ANKS1B: variants seen among roughly 807,000 people sequenced by gnomAD.
ANKS1B encodes ankyrin repeat and sterile alpha motif domain-containing protein 1B.
Under a neutral mutation model 148.3 loss-of-function variants are expected in ANKS1B, and 36 were observed. That is an observed-to-expected ratio of 0.24 (90% confidence interval 0.19 to 0.32). The LOEUF is 0.32. Among genes scored for constraint, ANKS1B ranks in the 10% least tolerant of loss-of-function variants. ANKS1B has a pLI of 1.00. For missense variants in ANKS1B, 1,157 were observed against 1,542.6 expected (o/e 0.75, Z 4.19); for synonymous variants, 542 against 560.8 (o/e 0.97, Z 0.47).
intron 26 of ANKS1B, among the ~76,000 whole-genome samples, chr12:98,746,873 G>C (rs2097906547): frequency 6.6e-6 from 1 of 152,142 alleles, no homozygotes; most frequent in Non-Finnish European, 1.5e-5. Flanking sequence ...CTATACAACA[G>C]AATGAAACAC....
intron 12 of ANKS1B, among the ~76,000 whole-genome samples, chr12:99,390,717 G>A (rs1038276287): frequency 6.6e-6 from 1 of 152,236 alleles, no homozygotes; most frequent in African/African-American, 2.4e-5. Context: ...AGATTTTGGG[G>A]ATAAATCTTT....
At chr12:98,840,296 TA>T (rs922404602) in intron 17 of ANKS1B, among the ~76,000 whole-genome samples, 6 of 152,126 alleles carry the variant, frequency 3.9e-5, no homozygotes, top group African/African-American at 9.6e-5. Flanking sequence ...CCACTTCATC[TA>T]AAAAAAATCC....
chr12:99,279,511 T>C (rs1035414341), intron 12 of ANKS1B, among the ~76,000 whole-genome samples: 8 of 152,084 alleles, frequency 5.3e-5, no homozygotes, highest in Admixed American at 6.5e-5. Flanking sequence ...CCAGTTTCTC[T>C]CTCTATAGAT....
chr12:99,268,491 T>C (rs1328193732), intron 12 of ANKS1B, among the ~76,000 whole-genome samples: 1 of 152,204 alleles, frequency 6.6e-6, no homozygotes, highest in Non-Finnish European at 1.5e-5. Context: ...TTGGCTGTTA[T>C]GCCTATGTCA....
intron 8 of ANKS1B, among the ~76,000 whole-genome samples, chr12:99,657,546 A>G (rs1453311840): frequency 2.0e-5 from 3 of 151,902 alleles, no homozygotes; most frequent in African/African-American, 7.3e-5. Context: ...CACTTCTCAA[A>G]TCAATAATAG....
intron 15 of ANKS1B, among the ~76,000 whole-genome samples, chr12:99,097,986 C>A (rs2056765261): frequency 6.6e-6 from 1 of 152,122 alleles, no homozygotes; most frequent in African/African-American, 2.4e-5. Flanking sequence ...GGTGAGGGAG[C>A]AAGGAGACCT....
intron 12 of ANKS1B, among the ~76,000 whole-genome samples, chr12:99,290,213 G>C (rs2079753429): frequency 6.7e-6 from 1 of 150,330 alleles, no homozygotes; most frequent in Non-Finnish European, 1.5e-5. Context: ...AAGATTGAAG[G>C]CTGAAGAAAT....
intron 8 of ANKS1B, among the ~76,000 whole-genome samples, chr12:99,679,270 G>A (rs1039380290): frequency 6.6e-6 from 1 of 152,138 alleles, no homozygotes; most frequent in Admixed American, 6.5e-5. Flanking sequence ...TAAATGGCAC[G>A]TATTTAAAGA....
At chr12:99,107,649 G>A (rs1042467559) in intron 15 of ANKS1B, among the ~76,000 whole-genome samples, 6 of 152,186 alleles carry the variant, frequency 3.9e-5, no homozygotes, top group Non-Finnish European at 8.8e-5. Context: ...CATCAAGACC[G>A]AGCTATCCAG....
At chr12:98,918,650 T>C (rs1053308876) in intron 17 of ANKS1B, among the ~76,000 whole-genome samples, 1 of 152,214 alleles carries the variant, frequency 6.6e-6, no homozygotes, top group Non-Finnish European at 1.5e-5. Context: ...CAAGTATGCA[T>C]CTTTATTTCC....
chr12:99,306,348 G>A (rs1441082999), intron 12 of ANKS1B, among the ~76,000 whole-genome samples: 2 of 151,990 alleles, frequency 1.3e-5, no homozygotes, highest in Non-Finnish European at 2.9e-5. Flanking sequence ...AATCTCTGTT[G>A]TAACCCCTAG....
At chr12:99,450,588 T>C (rs949313148) in intron 10 of ANKS1B, among the ~76,000 whole-genome samples, 1 of 152,268 alleles carries the variant, frequency 6.6e-6, no homozygotes, top group Non-Finnish European at 1.5e-5. Flanking sequence ...AGTACTAAAT[T>C]ATTTAGAAAA....
Position 99,772,964 on chromosome 12 carries a change from C to A in ANKS1B, c.1086G>T (p.Lys362Asn). ...ISDHYLDNLSKISEEELGKNG... is the reference protein window; with the variant it reads ...ISDHYLDNLSNISEEELGKNG... The stretch of plus-strand genomic sequence containing the variant: ...TTTTCCCAAGTTCTTCCTCTGAAAT[C>A]TTGCTCAAATTATCTAAGTAGTGGT... Residue 362 changes from lysine (K) to asparagine (N), a missense_variant, in exon 8 of 27, where the codon AAG (lysine) becomes AAT (asparagine). Coordinates refer to ENST00000683438, the MANE Select transcript of ANKS1B (RefSeq NM_001352186.2). The A allele has an allele frequency of 6.2e-7, 1 of 1,611,714 alleles. No homozygotes were observed. Among genetic ancestry groups the A allele is most frequent in the Non-Finnish European group, 8.5e-7 (1 of 1,178,840 alleles).
chr12:99,591,759 G>A (rs569829564), intron 9 of ANKS1B, among the ~76,000 whole-genome samples: 1 of 152,130 alleles, frequency 6.6e-6, no homozygotes, highest in East Asian at 1.9e-4. Context: ...GTTTGATAGG[G>A]GCTCTCTTCG....
intron 1 of ANKS1B, among the ~76,000 whole-genome samples, chr12:99,827,025 A>G (rs1312916900): frequency 2.0e-5 from 3 of 152,002 alleles, no homozygotes; most frequent in Admixed American, 2.0e-4. Flanking sequence ...AGGCTGAGGT[A>G]GAAGGGTTGC....
intron 14 of ANKS1B, among the ~76,000 whole-genome samples, chr12:99,189,080 T>C (rs978691790): frequency 2.0e-5 from 3 of 152,076 alleles, no homozygotes; most frequent in African/African-American, 4.8e-5. Flanking sequence ...ATAAATAAAC[T>C]AGAAAATCTA....
chr12:98,874,510 G>A (rs995768461), intron 17 of ANKS1B, among the ~76,000 whole-genome samples: 1 of 152,182 alleles, frequency 6.6e-6, no homozygotes, highest in Non-Finnish European at 1.5e-5. Context: ...ATACGTTACA[G>A]TCAATCTCAT....
chr12:99,394,783 G>T (rs939984852), intron 12 of ANKS1B, among the ~76,000 whole-genome samples: 17 of 151,954 alleles, frequency 1.1e-4, no homozygotes, highest in Non-Finnish European at 2.5e-4. Context: ...CTCTACACAC[G>T]CTGCATATCA....
At chr12:99,577,557 C>T (rs993882194) in intron 9 of ANKS1B, among the ~76,000 whole-genome samples, 3 of 151,344 alleles carry the variant, frequency 2.0e-5, no homozygotes, top group Non-Finnish European at 4.4e-5. Flanking sequence ...TACCACCAGC[C>T]CCACATAAAT....
Sources: gnomAD v4.1 joint callset for allele counts (sites outside exome capture counted in the v4.1 genomes callset) on GRCh38, gnomAD v4.1.1 for gene constraint, MANE v1.5 for transcripts, NCBI Gene and HGNC (gene_info 2026-07-23, HGNC 2026-07-21) for gene names.